ERC2: variants seen among roughly 807,000 people sequenced by gnomAD.
ERC2 encodes ELKS/RAB6-interacting/CAST family member 2, also known as ERC protein 2.
Under a neutral mutation model 114.8 loss-of-function variants are expected in ERC2, and 42 were observed. The observed-to-expected ratio is 0.37, with a 90% CI of 0.29 to 0.47. ERC2 has a LOEUF of 0.47. Ranked by LOEUF, ERC2 falls within the 20% of genes least tolerant of loss-of-function variation. ERC2 has a pLI of 0.99. For missense variants in ERC2, 939 were observed against 1,150.7 expected, an observed-to-expected ratio of 0.82 and a Z score of 2.66; for synonymous variants, 454 against 425.5, an observed-to-expected ratio of 1.07 and a Z score of -0.82.
intron 15 of ERC2, among the ~76,000 whole-genome samples, chr3:55,713,593 GT>G (rs1466299692): frequency 6.6e-6 from 1 of 152,160 alleles, no homozygotes; most frequent in Non-Finnish European, 1.5e-5. Context: ...TGTTTCTCAA[GT>G]CTGATTTTGT....
chr3:56,398,118 T>C (rs1295272372), intron 2 of ERC2, among the ~76,000 whole-genome samples: 1 of 152,026 alleles, frequency 6.6e-6, no homozygotes, highest in African/African-American at 2.4e-5. Flanking sequence ...GTTGCTAGAG[T>C]ATGTGGGGGA....
chr3:55,885,167 T>G (rs1010753790), intron 14 of ERC2, among the ~76,000 whole-genome samples: 1 of 152,234 alleles, frequency 6.6e-6, no homozygotes, highest in Admixed American at 6.5e-5. Context: ...TAATGGGTGC[T>G]GGTTGAATGA....
intron 14 of ERC2, among the ~76,000 whole-genome samples, chr3:55,883,616 G>T (rs11924945): frequency 5.9e-5 from 9 of 152,030 alleles, no homozygotes; most frequent in Non-Finnish European, 1.3e-4. Flanking sequence ...AAGGCCGGGT[G>T]CAGTGGCTCA....
At chr3:56,459,808 C>A (rs1046066260) in intron 1 of ERC2, among the ~76,000 whole-genome samples, 2 of 152,212 alleles carry the variant, frequency 1.3e-5, no homozygotes, top group Non-Finnish European at 1.5e-5. Context: ...TTCTTCCATG[C>A]ACACGCACTC....
intron 14 of ERC2, among the ~76,000 whole-genome samples, chr3:55,816,257 C>T (rs1476211512): frequency 6.6e-6 from 1 of 152,212 alleles, no homozygotes; most frequent in African/African-American, 2.4e-5. Flanking sequence ...TCTCCCTACT[C>T]CCAAGCCTCC....
intron 13 of ERC2, among the ~76,000 whole-genome samples, chr3:55,948,181 T>C (rs2067255578): frequency 6.6e-6 from 1 of 152,240 alleles, no homozygotes; most frequent in Non-Finnish European, 1.5e-5. Context: ...CCTGATCCAC[T>C]AGCTATTATT....
intron 4 of ERC2, among the ~76,000 whole-genome samples, chr3:56,157,919 T>A (rs2081826757): frequency 6.6e-6 from 1 of 152,098 alleles, no homozygotes; most frequent in African/African-American, 2.4e-5. Flanking sequence ...TGTGGTTGAC[T>A]TCTCAACCCT....
chr3:55,967,607 C>G (rs753367326), intron 12 of ERC2, among the ~76,000 whole-genome samples: 7 of 152,176 alleles, frequency 4.6e-5, no homozygotes, highest in Non-Finnish European at 1.0e-4. Flanking sequence ...TCAACATCTT[C>G]AAAGCCCAAC....
rs115301025 is a variant in ERC2 at position 56,281,572 on chromosome 3, A to G, written c.1074+14447T>C. On this transcript the variant is annotated intron_variant, in intron 3 of 17. Transcript: ENST00000288221. ...GCTGGTGATACTAAAGATGAGTACA[A>G]TGTGATTCCTGCCCTCAGGGAATGC... Among the ~76,000 whole-genome samples the G allele has an allele frequency of 3.5e-3, 528 of 152,288 alleles. 3 individuals are homozygous for G. The highest frequency in any genetic ancestry group is 0.012 in the African/African-American group (501 of 41,554).
rs1489910527 is a variant in ERC2 at position 56,354,902 on chromosome 3, G to A, written c.658-58467C>T. Among the ~76,000 whole-genome samples, 8 of 152,114 alleles carry A rather than the reference G, an allele frequency of 5.3e-5. No homozygotes were observed. The South Asian group carries it at 6.2e-4, about 12-fold the overall frequency. On this transcript the variant is annotated intron_variant, in intron 2 of 17. Coordinates refer to ENST00000288221, the MANE Select transcript of ERC2 (RefSeq NM_015576.3). ...AACACAGCCCTCCCCAGCAGCCTCC[G>A]GCACCTGTATGTTTGAATTAGCAAA...
intron 2 of ERC2, among the ~76,000 whole-genome samples, chr3:56,402,277 A>C (rs2060547712): frequency 6.6e-6 from 1 of 152,212 alleles, no homozygotes; most frequent in African/African-American, 2.4e-5. Flanking sequence ...TAAGGGGCAG[A>C]TTATGCAGAA....
At chr3:55,779,762 A>G (rs1156552768) in intron 14 of ERC2, among the ~76,000 whole-genome samples, 1 of 152,214 alleles carries the variant, frequency 6.6e-6, no homozygotes, top group Admixed American at 6.5e-5. Flanking sequence ...TACGTTAGTA[A>G]GTCAAGAGAG....
At chr3:55,520,715 G>A (rs1184434961) in intron 17 of ERC2, among the ~76,000 whole-genome samples, 1 of 152,160 alleles carries the variant, frequency 6.6e-6, no homozygotes, top group Non-Finnish European at 1.5e-5. Context: ...TGCTCCAAAC[G>A]TAAGCTCCAT....
chr3:55,514,233 C>T lies in ERC2; in HGVS notation c.*40-2957G>A, dbSNP rs75959383. On this transcript the variant is annotated intron_variant, in intron 17 of 17. Coordinates refer to ENST00000288221, the MANE Select transcript of ERC2 (RefSeq NM_015576.3). ...GCAACATGGCAAAAACCCGTCTCCA[C>T]AAAAAAAGTTAAAAATTAGCTGGGT... 6.1e-3 allele frequency among the ~76,000 whole-genome samples: 935 copies of T among 152,070 alleles called. 12 individuals carry two copies. The highest frequency in any genetic ancestry group is 0.021 in the African/African-American group (889 of 41,470).
intron 2 of ERC2, among the ~76,000 whole-genome samples, chr3:56,323,235 A>G (rs766075389): frequency 2.0e-5 from 3 of 152,198 alleles, no homozygotes; most frequent in Non-Finnish European, 4.4e-5. Context: ...TAGAATATTC[A>G]GCTATTGGTC....
chr3:55,962,864 C>T (rs2068484300), intron 12 of ERC2, among the ~76,000 whole-genome samples: 2 of 152,222 alleles, frequency 1.3e-5, no homozygotes, highest in African/African-American at 4.8e-5. Context: ...ACTTTCCCTT[C>T]CCCAAATCAA....
chr3:56,259,693 T>C (rs2052784566), intron 3 of ERC2, among the ~76,000 whole-genome samples: 1 of 151,840 alleles, frequency 6.6e-6, no homozygotes, highest in African/African-American at 2.4e-5. Context: ...TGATATGATA[T>C]ATGATTCTGA....
chr3:56,084,918 G>GA lies in ERC2; in HGVS notation c.1474-3935dup, dbSNP rs1029969584. Among the ~76,000 whole-genome samples, 559 of 144,852 alleles carry GA rather than the reference G, an allele frequency of 3.9e-3. 1 individual carries two copies. Among genetic ancestry groups the GA allele is most frequent in the African/African-American group, 0.013 (517 of 39,724 alleles). On this transcript the variant is annotated intron_variant, in intron 6 of 17. Coordinates refer to ENST00000288221, the MANE Select transcript of ERC2 (RefSeq NM_015576.3). Reference sequence around the variant, plus strand: ...GGGCAGCAGAGGGTGGCATTTAAAAGAAAAAAAAAGTCAATAGGAACAATA... The same window carrying GA: ...GGGCAGCAGAGGGTGGCATTTAAAAGAAAAAAAAAAGTCAATAGGAACAATA...
intron 2 of ERC2, among the ~76,000 whole-genome samples, chr3:56,382,658 T>G (rs1351421307): frequency 1.3e-5 from 2 of 152,196 alleles, no homozygotes; most frequent in Non-Finnish European, 2.9e-5. Flanking sequence ...TCATTCCAAC[T>G]CATCTACTCA....
Sources: allele counts gnomAD v4.1 joint callset (sites outside exome capture counted in the v4.1 genomes callset), GRCh38; gene constraint gnomAD v4.1.1; transcripts MANE v1.5; gene names NCBI Gene and HGNC (gene_info 2026-07-23, HGNC 2026-07-21).